The following PHLPP1 variants were observed in gnomAD, a reference collection of about 807,000 sequenced individuals.
PHLPP1 encodes the protein PH domain leucine-rich repeat-containing protein phosphatase 1.
PHLPP1 carries 42 observed loss-of-function variants against 117.2 expected under a neutral mutation model. The ratio of observed to expected loss-of-function variants is 0.36; its 90% CI spans 0.28 to 0.46. The LOEUF (loss-of-function observed/expected upper bound fraction) is 0.46. PHLPP1 is among the 20% of genes least tolerant of loss of function. The probability of loss-of-function intolerance (pLI) is 1.00; values close to 1 mark genes in which losing one functional copy is unlikely to be tolerated. For missense variants in PHLPP1, 2,084 were observed against 2,241.9 expected (o/e 0.93, Z 1.42); for synonymous variants, 1,042 against 970.7 (o/e 1.07, Z -1.37).
At chr18:62,871,644 A>AAT (rs1262156118) in intron 4 of PHLPP1, among the ~76,000 whole-genome samples, 2 of 108,624 alleles carry the variant, frequency 1.8e-5, no homozygotes, top group African/African-American at 7.1e-5. Context: ...AGCTCTGAAA[A>AAT]TTTTTTTTTT....
At chr18:62,938,377 C>A (rs1344420037) in intron 10 of PHLPP1, among the ~76,000 whole-genome samples, 2 of 152,104 alleles carry the variant, frequency 1.3e-5, no homozygotes, top group Admixed American at 1.3e-4. Flanking sequence ...AGAAACTTTG[C>A]AAAACTAAAG....
At chr18:62,844,362 A>G (rs1915127381) in intron 3 of PHLPP1, among the ~76,000 whole-genome samples, 1 of 152,332 alleles carries the variant, frequency 6.6e-6, no homozygotes, top group South Asian at 2.1e-4. Context: ...TAAAATAAAA[A>G]TAAAGTATTT....
At chr18:62,727,403 G>A (rs1008381681) in intron 1 of PHLPP1, among the ~76,000 whole-genome samples, 2 of 152,016 alleles carry the variant, frequency 1.3e-5, no homozygotes, top group Non-Finnish European at 2.9e-5. Flanking sequence ...GTGCTGAGGA[G>A]TTCGAGACCA....
intron 1 of PHLPP1, among the ~76,000 whole-genome samples, chr18:62,732,891 G>C (rs1319283869): frequency 6.6e-6 from 1 of 152,164 alleles, no homozygotes; most frequent in African/African-American, 2.4e-5. Context: ...TAGAAGTGGA[G>C]CCTGGAGATG....
intron 12 of PHLPP1, among the ~76,000 whole-genome samples, 175 bp downstream of exon 12, chr18:62,945,446 TA>T (rs60679600): frequency 3.3e-5 from 5 of 152,204 alleles, no homozygotes; most frequent in Admixed American, 6.5e-5. Flanking sequence ...TCGGCAGAGT[TA>T]AAAAACAAAG....
chr18:62,716,118 C>A lies in PHLPP1; in HGVS notation c.435C>A (p.Ala145=), dbSNP rs1223871397. The change falls in exon 1 of 17, where the codon GCC becomes GCA. Residue 145 remains alanine (A), a synonymous_variant. Transcript: ENST00000262719. This position sits in a 1 kb window ranked among gnomAD's most constrained non-coding sequence, Gnocchi z 5.7. ...CCTCCTCGTCGTCGTCGTCCTCGGC[C>A]GCTGCTGCCTCGCACTCCCCCGGCG... is the stretch of plus-strand genomic sequence containing the variant. ...AAASSSSSSS[A]AAASHSPGAA... 6.6e-7 allele frequency: 1 copy of A among 1,511,308 alleles called. No individual in the cohort carries two copies. The highest frequency in any genetic ancestry group is 8.8e-7 in the Non-Finnish European group (1 of 1,137,020). The allele number at this position is 1,511,308 out of a possible 1,614,324, so 93.6% of individuals were successfully genotyped here.
intron 1 of PHLPP1, among the ~76,000 whole-genome samples, chr18:62,749,379 A>G (rs1911776909): frequency 6.6e-6 from 1 of 152,210 alleles, no homozygotes; most frequent in African/African-American, 2.4e-5. Context: ...GGGAGAAAGT[A>G]TGTATTTCTA....
chr18:62,750,616 T>G lies in PHLPP1; in HGVS notation c.1576+33357T>G, dbSNP rs1911820641. 1.3e-5 allele frequency among the ~76,000 whole-genome samples: 2 copies of G among 152,214 alleles called. 1 individual carries two copies. Among genetic ancestry groups the G allele is most frequent in the South Asian group, 4.1e-4 (2 of 4,832 alleles). ...TGTCTTTTGCATTTATTGCCCTTCT[T>G]TTCTTTTTCCTGATTTCCAGCTACT... On this transcript the variant is annotated intron_variant, in intron 1 of 16. Coordinates refer to ENST00000262719, the MANE Select transcript of PHLPP1 (RefSeq NM_194449.4).
intron 10 of PHLPP1, among the ~76,000 whole-genome samples, chr18:62,934,167 C>G (rs375774808): frequency 1.3e-5 from 2 of 152,124 alleles, no homozygotes; most frequent in African/African-American, 2.4e-5. Context: ...GAAGATTTCT[C>G]AAAGAGCTAA....
Position 62,962,057 on chromosome 18 carries a change from A to G in PHLPP1, c.3456-1311A>G, listed in dbSNP as rs543875000. Among the ~76,000 whole-genome samples, 8 of 152,316 alleles carry G rather than the reference A, an allele frequency of 5.3e-5. No homozygotes were observed. The South Asian group carries it at 1.7e-3, about 32-fold the overall frequency. On this transcript the variant is annotated intron_variant, in intron 13 of 16. Coordinates refer to ENST00000262719, the MANE Select transcript of PHLPP1 (RefSeq NM_194449.4). The stretch of plus-strand genomic sequence containing the variant: ...TTTAATTCTTGTGGTCATGACCAGA[A>G]CTATGTAGGTGTTGCTTCAGTTGTC...
chr18:62,936,587 A>G (rs1463474913), intron 10 of PHLPP1, among the ~76,000 whole-genome samples: 2 of 152,258 alleles, frequency 1.3e-5, no homozygotes, highest in East Asian at 1.9e-4. Context: ...ATCAAAGTTA[A>G]TATCTCCAAT....
chr18:62,818,636 T>C (rs1011401173), intron 1 of PHLPP1, among the ~76,000 whole-genome samples: 9 of 152,062 alleles, frequency 5.9e-5, no homozygotes, highest in Non-Finnish European at 1.2e-4. Context: ...TGTCAAGCCA[T>C]TGAGGTCAAA....
At chr18:62,946,601 C>G (rs1439279508) in intron 12 of PHLPP1, among the ~76,000 whole-genome samples, 1 of 151,998 alleles carries the variant, frequency 6.6e-6, no homozygotes, top group African/African-American at 2.4e-5. Flanking sequence ...ACAGTTTTTA[C>G]ACATTTATAT....
chr18:62,941,615 G>T, intron 10 of PHLPP1, 103 bp from the exon 11 acceptor site: 1 of 776,396 alleles, frequency 1.3e-6, no homozygotes, highest in South Asian at 1.9e-5. Flanking sequence ...TTCAATTCAT[G>T]TTTCTGATCC....
intron 11 of PHLPP1, among the ~76,000 whole-genome samples, chr18:62,942,259 G>T (rs1910151078): frequency 6.6e-6 from 1 of 152,150 alleles, no homozygotes; most frequent in South Asian, 2.1e-4. Context: ...GGCAGTGCGT[G>T]CCTGTAGTCC....
At chr18:62,832,430 T>C (rs1014112254) in intron 2 of PHLPP1, 1 of 152,198 alleles carries the variant, frequency 6.6e-6, no homozygotes, top group Non-Finnish European at 1.5e-5. Flanking sequence ...TTATTATGCT[T>C]ATAGAGGCAG....
intron 1 of PHLPP1, among the ~76,000 whole-genome samples, chr18:62,740,775 C>T (rs897317543): frequency 2.0e-5 from 3 of 152,176 alleles, no homozygotes; most frequent in Admixed American, 1.3e-4. Flanking sequence ...AGTTCAAGAC[C>T]AGCCTGGCCA....
chr18:62,951,164 G>A (rs1910445786), intron 12 of PHLPP1, among the ~76,000 whole-genome samples: 2 of 151,976 alleles, frequency 1.3e-5, no homozygotes, highest in Non-Finnish European at 2.9e-5. Context: ...TGTATTTTTA[G>A]TAGAGACAGG....
rs769810073 is a variant in PHLPP1, at chr18:62,920,028, G to T, written c.2874G>T (p.Arg958Ser). The T allele has an allele frequency of 2.5e-6, 4 of 1,612,512 alleles. No individual in the cohort carries two copies. The East Asian group carries it at 6.7e-5, about 27-fold the overall frequency. Residue 958 changes from arginine (R) to serine (S), a missense_variant, in exon 10 of 17, where the codon AGG becomes AGT. Transcript: ENST00000262719. The stretch of plus-strand genomic sequence containing the variant: ...ACCAGTTGGCAAGGCTGCCTGAAAG[G>T]CTAGAAAGAACCTCGGTGGAGGTCT... ...GHNQLARLPE[R>S]LERTSVEVLD...
Sources: gnomAD v4.1 joint callset for allele counts (sites outside exome capture counted in the v4.1 genomes callset) on GRCh38, gnomAD v4.1.1 for gene constraint, Gnocchi (gnomAD v3.1) non-coding constraint, MANE v1.5 for transcripts, NCBI Gene and HGNC (gene_info 2026-07-23, HGNC 2026-07-21) for gene names.